Variants in TRDN observed in about 807,000 individuals in gnomAD.
The protein encoded by TRDN is triadin.
TRDN carries 161 observed loss-of-function variants against 149.7 expected under a neutral mutation model. The ratio of observed to expected loss-of-function variants is 1.08; its 90% CI spans 0.95 to 1.23. The LOEUF is 1.23. TRDN is among the 50% of genes most tolerant of loss of function. TRDN has a pLI of 0.00. For synonymous variants in TRDN, 294 were observed against 250.5 expected (o/e 1.17, Z -1.64); for missense variants, 896 against 823.5 (o/e 1.09, Z -1.08).
At chr6:123,518,330 T>C (rs2114266794) in intron 5 of TRDN, among the ~76,000 whole-genome samples, 1 of 152,324 alleles carries the variant, frequency 6.6e-6, no homozygotes, top group Non-Finnish European at 1.5e-5. Flanking sequence ...ATGGTTTATT[T>C]TGGTTCCTTT....
intron 10 of TRDN, among the ~76,000 whole-genome samples, chr6:123,455,440 CTGTGTGT>C (rs1562322926): frequency 2.5e-4 from 28 of 112,082 alleles, no homozygotes; most frequent in African/African-American, 7.6e-4. Context: ...GTGTGTGTGT[CTGTGTGT>C]GTTAGAGAAA....
intron 1 of TRDN, among the ~76,000 whole-genome samples, chr6:123,634,618 T>A (rs977223967): frequency 1.3e-4 from 19 of 151,890 alleles, no homozygotes; most frequent in African/African-American, 4.6e-4. Context: ...ATTGCAAAGA[T>A]AACATGAAAC....
chr6:123,502,860 T>C lies in TRDN; in HGVS notation c.793+859A>G, dbSNP rs183035331. The C allele has an allele frequency of 5.9e-5, 58 of 985,308 alleles. 1 individual carries two copies. In the East Asian group the frequency reaches 5.8e-3, roughly 98 times the overall value. 61.0% of individuals were successfully genotyped at this position (985,308 alleles called of 1,614,324 possible). A position where few individuals can be genotyped will look rare whatever the true frequency, so the allele number is the denominator to read the frequency against. On this transcript the variant is annotated intron_variant, in intron 8 of 40. Transcript: ENST00000334268. The stretch of plus-strand genomic sequence containing the variant: ...CTCTACATGTTAGATCCCCGTATTC[T>C]GTAAAGGAGTCTCAGGATTATACAG...
chr6:123,591,833 C>A (rs551899140), intron 1 of TRDN, among the ~76,000 whole-genome samples: 17 of 152,068 alleles, frequency 1.1e-4, no homozygotes, highest in South Asian at 8.3e-4. Context: ...GTATTCATGC[C>A]CATATTTCAA....
chr6:123,358,587 C>T (rs1303870451), intron 20 of TRDN, among the ~76,000 whole-genome samples: 1 of 152,064 alleles, frequency 6.6e-6, no homozygotes, highest in African/African-American at 2.4e-5. Flanking sequence ...GCCTTAGCCT[C>T]CCGAGTAGCT....
intron 12 of TRDN, among the ~76,000 whole-genome samples, chr6:123,424,239 C>G (rs1376968274): frequency 6.6e-6 from 1 of 152,108 alleles, no homozygotes; most frequent in Non-Finnish European, 1.5e-5. Flanking sequence ...AAACTGTTTT[C>G]TAACCTGCAG....
At chr6:123,599,210 A>G (rs1784170153) in intron 1 of TRDN, among the ~76,000 whole-genome samples, 1 of 152,130 alleles carries the variant, frequency 6.6e-6, no homozygotes, top group Non-Finnish European at 1.5e-5. Flanking sequence ...AAATTACTTC[A>G]GCTCTATCCA....
chr6:123,488,709 G>C (rs1221204688), intron 9 of TRDN: 1 of 129,702 alleles, frequency 7.7e-6, no homozygotes, highest in Non-Finnish European at 1.7e-5. Context: ...TTCCAATCTT[G>C]TTTTTTTTTT....
At chr6:123,330,499 C>T (rs1779616034) in intron 23 of TRDN, among the ~76,000 whole-genome samples, 2 of 151,844 alleles carry the variant, frequency 1.3e-5, no homozygotes, top group Non-Finnish European at 1.5e-5. Context: ...ATTTACATAT[C>T]GTGTCAAAAT....
intron 24 of TRDN, among the ~76,000 whole-genome samples, chr6:123,304,695 A>G (rs1489429608): frequency 6.6e-6 from 1 of 152,168 alleles, no homozygotes; most frequent in East Asian, 1.9e-4. Flanking sequence ...GGTGCACAGC[A>G]TTAAACACAG....
At chr6:123,506,930 G>A (rs1236105381) in intron 7 of TRDN, among the ~76,000 whole-genome samples, 1 of 152,004 alleles carries the variant, frequency 6.6e-6, no homozygotes, top group African/African-American at 2.4e-5. Flanking sequence ...TTCCCTACCA[G>A]ACAGACAGTG....
At chr6:123,583,727 C>G (rs936780855) in intron 1 of TRDN, among the ~76,000 whole-genome samples, 1 of 152,064 alleles carries the variant, frequency 6.6e-6, no homozygotes, top group African/African-American at 2.4e-5. Flanking sequence ...GGAAAGGACT[C>G]TACCTATCCA....
intron 38 of TRDN, among the ~76,000 whole-genome samples, chr6:123,249,026 A>G (rs574048766): frequency 6.6e-6 from 1 of 152,278 alleles, no homozygotes; most frequent in Admixed American, 6.5e-5. Flanking sequence ...ACCATGACCA[A>G]GTAGGATTCA....
intron 24 of TRDN, among the ~76,000 whole-genome samples, chr6:123,313,313 T>C (rs975512149): frequency 6.6e-6 from 1 of 152,006 alleles, no homozygotes; most frequent in Non-Finnish European, 1.5e-5. Flanking sequence ...CTCTGCTCAG[T>C]TCTGATCACT....
At chr6:123,595,722 G>T (rs1224095853) in intron 1 of TRDN, among the ~76,000 whole-genome samples, 1 of 152,054 alleles carries the variant, frequency 6.6e-6, no homozygotes, top group Non-Finnish European at 1.5e-5. Flanking sequence ...TCTGTGATCA[G>T]TGATTTCTGA....
intron 9 of TRDN, chr6:123,471,234 T>C (rs1359435977): frequency 6.6e-6 from 1 of 152,222 alleles, no homozygotes; most frequent in African/African-American, 2.4e-5. Context: ...ATGACTTTTA[T>C]AATTTGACTT....
chr6:123,463,278 A>C (rs572667157), intron 10 of TRDN, among the ~76,000 whole-genome samples: 10 of 151,710 alleles, frequency 6.6e-5, no homozygotes, highest in African/African-American at 9.7e-5. Flanking sequence ...CGGAGCTTGC[A>C]GTGAGCCGAG....
intron 20 of TRDN, among the ~76,000 whole-genome samples, chr6:123,359,074 T>C (rs973668347): frequency 1.3e-5 from 2 of 152,138 alleles, no homozygotes; most frequent in Admixed American, 6.5e-5. Context: ...GACTGAAACA[T>C]TGGAATAAAT....
chr6:123,531,185 C>A (rs987704615), intron 4 of TRDN, among the ~76,000 whole-genome samples: 2 of 151,804 alleles, frequency 1.3e-5, no homozygotes, highest in African/African-American at 4.8e-5. Flanking sequence ...CATACATTAC[C>A]AAGGCTAAGA....
Sources: gnomAD v4.1 joint callset for allele counts (sites outside exome capture counted in the v4.1 genomes callset) on GRCh38, gnomAD v4.1.1 for gene constraint, MANE v1.5 for transcripts, NCBI Gene and HGNC (gene_info 2026-07-23, HGNC 2026-07-21) for gene names.